The following PDE3B variants were observed in gnomAD, a reference collection of about 807,000 sequenced individuals.
The protein encoded by PDE3B is cGMP-inhibited 3',5'-cyclic phosphodiesterase 3B.
PDE3B carries 66 observed loss-of-function variants against 116.8 expected under a neutral mutation model. That is an observed-to-expected ratio of 0.56 (90% CI 0.46 to 0.69). The LOEUF (loss-of-function observed/expected upper bound fraction) is 0.69. Ranked by LOEUF, PDE3B falls within the 30% of genes least tolerant of loss-of-function variation. The pLI is 0.00. For missense variants in PDE3B, 1,384 were observed against 1,368.1 expected, an observed-to-expected ratio of 1.01 and a Z score of -0.18; for synonymous variants, 595 against 533.6, an observed-to-expected ratio of 1.12 and a Z score of -1.59.
At chr11:14,813,769 T>A (rs1441999138) in intron 5 of PDE3B, among the ~76,000 whole-genome samples, 1 of 152,178 alleles carries the variant, frequency 6.6e-6, no homozygotes, top group East Asian at 1.9e-4. Context: ...CAGTTTTTTA[T>A]GAGGCCAGCA....
At chr11:14,822,099 C>A (rs1016049250) in intron 7 of PDE3B, among the ~76,000 whole-genome samples, 1 of 151,976 alleles carries the variant, frequency 6.6e-6, no homozygotes, top group African/African-American at 2.4e-5. Flanking sequence ...GATGAGAACT[C>A]GCTCTGTTGC....
chr11:14,678,425 C>T (rs1392921857), intron 1 of PDE3B, among the ~76,000 whole-genome samples: 1 of 152,060 alleles, frequency 6.6e-6, no homozygotes, highest in Non-Finnish European at 1.5e-5. Context: ...CACTGTTTTC[C>T]AGAGTGTTTA....
At chr11:14,747,924 C>G (rs776861224) in intron 1 of PDE3B, among the ~76,000 whole-genome samples, 11 of 152,080 alleles carry the variant, frequency 7.2e-5, no homozygotes, top group Non-Finnish European at 1.0e-4. Flanking sequence ...GAAATAGTCA[C>G]TATTTGACTT....
At chr11:14,839,747 C>T (rs1405753955) in intron 11 of PDE3B, among the ~76,000 whole-genome samples, 2 of 152,044 alleles carry the variant, frequency 1.3e-5, no homozygotes. Flanking sequence ...TAGTCTGTTC[C>T]CGTAAGTTAT....
chr11:14,807,756 C>G (rs1858987589), intron 5 of PDE3B, among the ~76,000 whole-genome samples: 1 of 152,000 alleles, frequency 6.6e-6, no homozygotes, highest in African/African-American at 2.4e-5. Flanking sequence ...AATTAAAAGA[C>G]AAAGATTAGG....
chr11:14,688,537 T>C (rs576781074), intron 1 of PDE3B, among the ~76,000 whole-genome samples: 51 of 152,342 alleles, frequency 3.3e-4, no homozygotes, highest in Middle Eastern at 3.4e-3. Flanking sequence ...CTGAGTACAT[T>C]CTATGTGTAA....
intron 1 of PDE3B, among the ~76,000 whole-genome samples, chr11:14,722,094 G>C (rs952007006): frequency 1.1e-4 from 17 of 151,060 alleles, no homozygotes; most frequent in Admixed American, 9.2e-4. Context: ...TCACTCATAG[G>C]TGGGAATTAA....
chr11:14,658,425 C>A (rs546009436), intron 1 of PDE3B, among the ~76,000 whole-genome samples: 2 of 152,166 alleles, frequency 1.3e-5, no homozygotes, highest in South Asian at 4.2e-4. Context: ...GGCACTATCT[C>A]GGCTCACTGC....
At chr11:14,844,514 G>T (rs946844401) in intron 12 of PDE3B, among the ~76,000 whole-genome samples, 11 of 152,210 alleles carry the variant, frequency 7.2e-5, no homozygotes, top group Non-Finnish European at 1.0e-4. Flanking sequence ...CACCGTGCGC[G>T]AGCCGAAGCA....
chr11:14,739,750 A>G (rs1278989740), intron 1 of PDE3B, among the ~76,000 whole-genome samples: 1 of 152,134 alleles, frequency 6.6e-6, no homozygotes, highest in East Asian at 1.9e-4. Flanking sequence ...TGTCATAAAT[A>G]GCTCTTATTA....
intron 1 of PDE3B, among the ~76,000 whole-genome samples, chr11:14,697,386 C>G (rs1301088934): frequency 6.6e-6 from 1 of 152,130 alleles, no homozygotes. Flanking sequence ...TTCAGACTTT[C>G]AGTGGTCTTT....
At chr11:14,834,179 A>G (rs1444044004) in intron 10 of PDE3B, among the ~76,000 whole-genome samples, 1 of 152,200 alleles carries the variant, frequency 6.6e-6, no homozygotes, top group Non-Finnish European at 1.5e-5. Flanking sequence ...GCAAAACAAT[A>G]TTATTTTATC....
In PDE3B at chr11:14,869,985, G is replaced by A. The variant is rs138123257; in HGVS notation, c.*325G>A. ...GTAGTGAGCTCTTATTTTTCACTGG[G>A]GGTCAGCTATAACTAAAAACTCAAG... On this transcript the variant is annotated 3_prime_UTR_variant, in exon 16 of 16. Coordinates refer to ENST00000282096, the MANE Select transcript of PDE3B (RefSeq NM_000922.4). 7.3e-4 allele frequency: 135 copies of A among 185,570 alleles called. 1 individual carries two copies. The East Asian group carries it at 0.015, about 20-fold the overall frequency. The allele number at this position is 185,570 out of a possible 1,614,324, so 11.5% of individuals were successfully genotyped here.
At chr11:14,812,636 A>T (rs747192325) in intron 5 of PDE3B, among the ~76,000 whole-genome samples, 1 of 152,234 alleles carries the variant, frequency 6.6e-6, no homozygotes, top group African/African-American at 2.4e-5. Flanking sequence ...AATGATAAAA[A>T]ATCTGAAGAG....
chr11:14,672,813 C>A (rs1476143453), intron 1 of PDE3B, among the ~76,000 whole-genome samples: 11 of 152,026 alleles, frequency 7.2e-5, no homozygotes, highest in Non-Finnish European at 1.6e-4. Context: ...TTGCATGTAT[C>A]ATCTTGCTCA....
At chr11:14,896,334 C>T in the PDE3B span, among the ~76,000 whole-genome samples, 1 of 152,100 alleles carries the variant, frequency 6.6e-6, no homozygotes, top group African/African-American at 2.4e-5. Context: ...TCTGGACTTG[C>T]CATGTGTTCT....
In PDE3B at chr11:14,643,985, C is replaced by T. The variant is rs1267745193; in HGVS notation, c.-91C>T. ...GACGGGTTGCGAACCAGGGGGCGCC[C>T]CGAACGCGGGGGTTGGGGTCTGGGA... On this transcript the variant is annotated 5_prime_UTR_variant, in exon 1 of 16. Coordinates refer to ENST00000282096, the MANE Select transcript of PDE3B (RefSeq NM_000922.4). 1 of 1,376,888 alleles carries T rather than the reference C, an allele frequency of 7.3e-7. No homozygotes were observed. The highest frequency in any genetic ancestry group is 3.7e-5 in the Admixed American group (1 of 26,930). The allele number at this position is 1,376,888 out of a possible 1,614,324, so 85.3% of individuals were successfully genotyped here.
At chr11:14,879,711 T>C in the PDE3B span, among the ~76,000 whole-genome samples, 1 of 152,146 alleles carries the variant, frequency 6.6e-6, no homozygotes, top group African/African-American at 2.4e-5. Context: ...GGGCGTTCTA[T>C]TGAAATATAT....
intron 1 of PDE3B, among the ~76,000 whole-genome samples, chr11:14,674,779 A>G (rs1533852): frequency 0.14 from 21,474 of 152,144 alleles, 2,213 homozygotes; most frequent in African/African-American, 0.3. Flanking sequence ...TCCTGATTGC[A>G]ACTGGGATGG....
Sources: allele counts gnomAD v4.1 joint callset (sites outside exome capture counted in the v4.1 genomes callset), GRCh38; gene constraint gnomAD v4.1.1; transcripts MANE v1.5; gene names NCBI Gene and HGNC (gene_info 2026-07-23, HGNC 2026-07-21).